The following EGFR variants were observed in gnomAD, a reference collection of about 807,000 sequenced individuals.
EGFR encodes the protein epidermal growth factor receptor.
In EGFR, 58 loss-of-function variants were observed where a neutral mutation model predicts 143.0. That is an observed-to-expected ratio of 0.41 (90% confidence interval 0.33 to 0.50). The LOEUF is 0.50. EGFR is among the 20% of genes least tolerant of loss of function. The pLI is 0.39. For synonymous variants in EGFR, 613 were observed against 594.4 expected, an observed-to-expected ratio of 1.03 and a Z score of -0.45; for missense variants, 1,307 against 1,579.0, an observed-to-expected ratio of 0.83 and a Z score of 2.92.
chr7:55,145,118 C>G (rs559571876), intron 3 of EGFR, among the ~76,000 whole-genome samples: 2 of 152,274 alleles, frequency 1.3e-5, no homozygotes, highest in Admixed American at 6.5e-5. Context: ...CCTGCAGCCT[C>G]CCTCACGTGT....
chr7:55,131,231 G>A (rs139291345), intron 1 of EGFR, among the ~76,000 whole-genome samples: 2 of 152,002 alleles, frequency 1.3e-5, no homozygotes, highest in East Asian at 3.9e-4. Flanking sequence ...CAGTAACAGT[G>A]CAGCTGCCTG....
intron 15 of EGFR, chr7:55,168,777 T>C: frequency 1.9e-6 from 1 of 539,804 alleles, no homozygotes; most frequent in Non-Finnish European, 3.1e-6. Flanking sequence ...ATATAGGAAT[T>C]ACACGATAGA....
intron 1 of EGFR, among the ~76,000 whole-genome samples, chr7:55,044,365 C>A (rs1388269743): frequency 6.6e-6 from 1 of 152,176 alleles, no homozygotes; most frequent in Non-Finnish European, 1.5e-5. Context: ...ATGCCTGTTT[C>A]TGCTTTATGG....
chr7:55,143,038 G>C (rs74704039), intron 2 of EGFR, among the ~76,000 whole-genome samples: 1 of 152,170 alleles, frequency 6.6e-6, no homozygotes, highest in Non-Finnish European at 1.5e-5. Flanking sequence ...GTTGAACCCC[G>C]TGAGGCATGA....
chr7:55,122,151 C>T (rs1293152777), intron 1 of EGFR, among the ~76,000 whole-genome samples: 1 of 152,218 alleles, frequency 6.6e-6, no homozygotes, highest in East Asian at 1.9e-4. Flanking sequence ...TCTACCTCTC[C>T]AGTCTTCGGG....
intron 1 of EGFR, among the ~76,000 whole-genome samples, chr7:55,068,176 A>C (rs1271009748): frequency 6.6e-6 from 1 of 152,152 alleles, no homozygotes; most frequent in Non-Finnish European, 1.5e-5. Context: ...TCAAAAGAAC[A>C]GTTGTTTTGG....
chr7:55,148,637 T>C lies in EGFR; in HGVS notation c.559+1897T>C, dbSNP rs1794887982. Among the ~76,000 whole-genome samples, 4 of 152,164 alleles carry C rather than the reference T, an allele frequency of 2.6e-5. No individual in the cohort carries two copies. The South Asian group carries it at 8.3e-4, about 32-fold the overall frequency. On this transcript the variant is annotated intron_variant, in intron 4 of 27. Transcript: ENST00000275493. ...ACTATTAGGGGTGAAAATATCAAAG[T>C]GAGAGAACTATAAAGGGTTTTTAAA...
At chr7:55,172,298 G>A (rs1402638388) in intron 16 of EGFR, among the ~76,000 whole-genome samples, 1 of 152,186 alleles carries the variant, frequency 6.6e-6, no homozygotes, top group South Asian at 2.1e-4. Context: ...ATTCTAGTGA[G>A]CTGGCACATG....
At position 55,174,022 on chromosome 7, in the gene EGFR, T is replaced by C. The variant is rs2128953746; in HGVS notation, c.2163T>C (p.Gly721=). ...AAAAGATCAAAGTGCTGGGCTCCGG[T>C]GCGTTCGGCACGGTGTATAAGGTAA... ...EFKKIKVLGS[G]AFGTVYKGLW... is the part of the protein sequence containing the mutation. The change falls in exon 18 of 28, where the codon GGT becomes GGC. Residue 721 remains glycine, a synonymous_variant. Coordinates refer to ENST00000275493, the MANE Select transcript of EGFR (RefSeq NM_005228.5). 6.2e-7 allele frequency: 1 copy of C among 1,614,226 alleles called. No individual in the cohort carries two copies. The highest frequency in any genetic ancestry group is 8.5e-7 in the Non-Finnish European group (1 of 1,180,038).
At chr7:55,157,960 G>A (rs932043639) in intron 11 of EGFR, among the ~76,000 whole-genome samples, 2 of 152,216 alleles carry the variant, frequency 1.3e-5, no homozygotes, top group African/African-American at 4.8e-5. Context: ...ACTTCTCAGC[G>A]CTCGCCAGTG....
chr7:55,095,464 T>G (rs1791404338), intron 1 of EGFR, among the ~76,000 whole-genome samples: 1 of 152,224 alleles, frequency 6.6e-6, no homozygotes, highest in South Asian at 2.1e-4. Context: ...TTAGGCCCTG[T>G]CCTTTGGGAG....
chr7:55,019,335 C>A lies in EGFR; in HGVS notation c.58C>A (p.Pro20Thr), dbSNP rs2128853462. 1 of 1,520,266 alleles carries A rather than the reference C, an allele frequency of 6.6e-7. No individual in the cohort carries two copies. The highest frequency in any genetic ancestry group is 8.9e-7 in the Non-Finnish European group (1 of 1,129,714). The allele number at this position is 1,520,266 out of a possible 1,614,324, so 94.2% of individuals were successfully genotyped here. ...ALLALLAALCPASRALEEKKV... is the reference protein window; with the variant it reads ...ALLALLAALCTASRALEEKKV... ...CCTGGCGCTGCTGGCTGCGCTCTGC[C>A]CGGCGAGTCGGGCTCTGGAGGAAAA... The change falls in exon 1 of 28, where the codon CCG becomes ACG. Residue 20 changes from proline to threonine, a missense_variant. Pro to Thr is a conservative substitution (Grantham distance 38). Around this residue, in one of 7 missense-constraint regions of EGFR, gnomAD observed 65 missense variants for 37.8 expected, o/e 1.72. Transcript: ENST00000275493.
At chr7:55,186,051 G>T (rs997570370) in intron 20 of EGFR, among the ~76,000 whole-genome samples, 8 of 152,198 alleles carry the variant, frequency 5.3e-5, no homozygotes, top group African/African-American at 1.9e-4. Flanking sequence ...CACACCGGGA[G>T]ACAGGGAAGG....
intron 19 of EGFR, among the ~76,000 whole-genome samples, chr7:55,178,574 G>A (rs1010745276): frequency 2.0e-5 from 3 of 152,154 alleles, no homozygotes; most frequent in Non-Finnish European, 4.4e-5. Flanking sequence ...CAGGTGGGCC[G>A]TTCACCTCGT....
chr7:55,143,204 G>C (rs529657554), intron 2 of EGFR, 101 bp from the exon 3 acceptor site: 7 of 1,207,968 alleles, frequency 5.8e-6, no homozygotes, highest in African/African-American at 4.5e-5. Context: ...GTGTGCATTA[G>C]GGTTCAACTG....
chr7:55,062,577 C>T (rs1412114108), intron 1 of EGFR, among the ~76,000 whole-genome samples: 1 of 152,164 alleles, frequency 6.6e-6, no homozygotes, highest in Non-Finnish European at 1.5e-5. Flanking sequence ...CTGAATATAA[C>T]TCCATGGTGC....
rs534234900 is a variant in EGFR at position 55,192,914 on chromosome 7, T to C, written c.2701+73T>C. ...GCTTTTATTGTTAGTTAATTTACATTATATCCTCTGACATGCAAGTATTTT... is the reference window on the plus strand; with the variant it reads ...GCTTTTATTGTTAGTTAATTTACATCATATCCTCTGACATGCAAGTATTTT... On this transcript the variant is annotated intron_variant, in intron 22 of 27. Coordinates refer to ENST00000275493, the MANE Select transcript of EGFR (RefSeq NM_005228.5). 2.8e-5 allele frequency: 35 copies of C among 1,271,902 alleles called. No homozygotes were observed. In the African/African-American group the frequency reaches 4.4e-4, roughly 16 times the overall value. 78.8% of individuals were successfully genotyped at this position (1,271,902 alleles called of 1,614,324 possible).
rs1041150571 is a variant in EGFR, at chr7:55,209,355, T to C, written c.*3738T>C. On this transcript the variant is annotated 3_prime_UTR_variant, in exon 28 of 28. Coordinates refer to ENST00000275493, the MANE Select transcript of EGFR (RefSeq NM_005228.5). ...GTCACTGATAAGCCTGAGACTTGGC[T>C]CATTTCAAAAGCGTTCAATTCATCC... 2.6e-5 allele frequency: 4 copies of C among 152,140 alleles called. No homozygotes were observed. The highest frequency in any genetic ancestry group is 4.4e-5 in the Non-Finnish European group (3 of 68,038). 9.4% of individuals were successfully genotyped at this position (152,140 alleles called of 1,614,324 possible).
At chr7:55,168,812 G>T (rs1363850364) in intron 15 of EGFR, among the ~76,000 whole-genome samples, 1 of 152,132 alleles carries the variant, frequency 6.6e-6, no homozygotes, top group Non-Finnish European at 1.5e-5. Context: ...TTAAAATACG[G>T]CCAAGTGTTG....
Sources: gnomAD v4.1 joint callset for allele counts (sites outside exome capture counted in the v4.1 genomes callset) on GRCh38, gnomAD v4.1.1 for gene constraint, gnomAD v4.1.1 regional missense constraint, MANE v1.5 for transcripts, NCBI Gene and HGNC (gene_info 2026-07-23, HGNC 2026-07-21) for gene names.